ARHGAP9: variants seen among roughly 807,000 people sequenced by gnomAD.
ARHGAP9 encodes the protein rho GTPase-activating protein 9.
Under a neutral mutation model 87.3 loss-of-function variants are expected in ARHGAP9, and 76 were observed. The ratio of observed to expected loss-of-function variants is 0.87; its 90% confidence interval spans 0.72 to 1.05. The LOEUF (loss-of-function observed/expected upper bound fraction) is 1.05, where lower values mean the gene tolerates loss of function less well. Among genes scored for constraint, ARHGAP9 ranks in the 50% least tolerant of loss-of-function variants. ARHGAP9 has a pLI of 0.00. For missense variants in ARHGAP9, 941 were observed against 960.5 expected (o/e 0.98, Z 0.27); for synonymous variants, 382 against 394.9 (o/e 0.97, Z 0.39).
At chr12:57,478,780 T>C in intron 2 of ARHGAP9, 23 bp from the exon 3 acceptor site, 2 of 1,587,902 alleles carry the variant, frequency 1.3e-6, no homozygotes, top group Non-Finnish European at 1.7e-6. Flanking sequence ...AAGGGGAGGG[T>C]GGGTGGCAGG....
At chr12:57,477,933 C>T (rs34199912) in intron 3 of ARHGAP9, 2 of 1,288,214 alleles carry the variant, frequency 1.6e-6, no homozygotes, top group Non-Finnish European at 9.9e-7. Context: ...CCACCCCCAC[C>T]TCAGGGCCAC....
chr12:57,476,868 C>A lies in ARHGAP9; in HGVS notation c.963+3G>T, dbSNP rs768898174. Reference sequence around the variant, plus strand: ...GGCCTTCACAAAGAAATGGGAGATTCACATGGGGGTCGTCCAGGAGCTGCG... The same window carrying A: ...GGCCTTCACAAAGAAATGGGAGATTAACATGGGGGTCGTCCAGGAGCTGCG... On this transcript the variant is annotated splice_donor_region_variant and intron_variant, in intron 6 of 17. Coordinates refer to ENST00000393791, the MANE Select transcript of ARHGAP9 (RefSeq NM_032496.4). The A allele has an allele frequency of 1.2e-6, 2 of 1,613,198 alleles. No individual in the cohort carries two copies. The highest frequency in any genetic ancestry group is 1.7e-6 in the Non-Finnish European group (2 of 1,179,658).
intron 15 of ARHGAP9, 55 bp downstream of exon 15, chr12:57,474,368 A>G: frequency 6.2e-7 from 1 of 1,606,778 alleles, no homozygotes; most frequent in Non-Finnish European, 8.5e-7. Context: ...TTCCACGGGA[A>G]GCAAAGAGGA....
upstream of ARHGAP9, among the ~76,000 whole-genome samples, chr12:57,481,332 C>A (rs1016649064): frequency 2.6e-5 from 4 of 152,052 alleles, no homozygotes; most frequent in African/African-American, 9.7e-5. Context: ...CTCACTGCAA[C>A]CTCCGCTTTC....
Position 57,477,621 on chromosome 12 carries a change from G to A in ARHGAP9, c.594C>T (p.Arg198=), listed in dbSNP as rs762048855. The part of the protein sequence containing the change: ...PPVYCNLVDL[R]RCPRSPPPGP... ...CTGGGGGTGGGGACCGAGGACAGCG[G>A]CGAAGGTCCACCAGGTTACAGTACA... Residue 198 remains arginine, a synonymous_variant, in exon 4 of 18, where the codon CGC becomes CGT. Transcript: ENST00000393791. 1.2e-6 allele frequency: 2 copies of A among 1,613,116 alleles called. No individual in the cohort carries two copies. The highest frequency in any genetic ancestry group is 1.1e-5 in the South Asian group (1 of 91,032).
chr12:57,483,215 C>T (rs1386747713), upstream of ARHGAP9, among the ~76,000 whole-genome samples: 2 of 152,000 alleles, frequency 1.3e-5, no homozygotes, highest in Non-Finnish European at 2.9e-5. Flanking sequence ...GAAAGTATGC[C>T]CTATTTCCCA....
chr12:57,484,429 A>G (rs1428804467), upstream of ARHGAP9, among the ~76,000 whole-genome samples: 1 of 151,776 alleles, frequency 6.6e-6, no homozygotes, highest in African/African-American at 2.4e-5. Flanking sequence ...TGCCTCCTCT[A>G]TCATAACTTT....
At chr12:57,479,015 A>C (rs889544923) in intron 2 of ARHGAP9, 76 bp downstream of exon 2, 3 of 1,533,304 alleles carry the variant, frequency 2.0e-6, no homozygotes, top group Non-Finnish European at 2.7e-6. Flanking sequence ...ACCTCCCCAA[A>C]ATTCCCAGAA....
In ARHGAP9 at chr12:57,476,578, C is replaced by G. The variant is rs759561542; in HGVS notation, c.1025+12G>C. ...TGACAGCCCAGGCCCTAGCTGTATTCTGGGTTCTCACCTGAGCTTGCGCCC... is the reference window on the plus strand; with the variant it reads ...TGACAGCCCAGGCCCTAGCTGTATTGTGGGTTCTCACCTGAGCTTGCGCCC... On this transcript the variant is annotated intron_variant, in intron 7 of 17. Coordinates refer to ENST00000393791, the MANE Select transcript of ARHGAP9 (RefSeq NM_032496.4). 29 of 1,614,048 alleles carry G rather than the reference C, an allele frequency of 1.8e-5. No individual in the cohort carries two copies. In the African/African-American group the frequency reaches 3.3e-4, roughly 19 times the overall value.
intron 8 of ARHGAP9, 33 bp downstream of exon 8, chr12:57,476,331 C>T (rs1873652628): frequency 1.2e-6 from 2 of 1,606,304 alleles, no homozygotes; most frequent in Non-Finnish European, 1.7e-6. Flanking sequence ...AGGCAGCGCC[C>T]GCACCCATCC....
Position 57,488,500 on chromosome 12 carries a change from C to T in ARHGAP9, c.-204+112G>A. On this transcript the variant is annotated intron_variant, in intron 1 of 20. Coordinates refer to the ARHGAP9 transcript ENST00000393797. The stretch of plus-strand genomic sequence containing the variant: ...CCAACCTTCTCCTACACCTATCAGG[C>T]ATCCCCCTCTGCTCTTTAGTTACTA... 3 of 1,418,574 alleles carry T rather than the reference C, an allele frequency of 2.1e-6. No individual in the cohort carries two copies. The South Asian group carries it at 3.7e-5, about 18-fold the overall frequency. 87.9% of individuals were successfully genotyped at this position (1,418,574 alleles called of 1,614,324 possible).
rs753378420 is a variant in ARHGAP9, at chr12:57,477,733, A to G, written c.535-53T>C. ...GGTCATTCTGCCTGTTGCCCTTCCCATGCTTCTCTTGGCCTTCCCACCTCC... is the reference window on the plus strand; with the variant it reads ...GGTCATTCTGCCTGTTGCCCTTCCCGTGCTTCTCTTGGCCTTCCCACCTCC... On this transcript the variant is annotated intron_variant, in intron 3 of 17. Transcript: ENST00000393791. 7 of 1,595,862 alleles carry G rather than the reference A, an allele frequency of 4.4e-6. No homozygotes were observed. In the Admixed American group the frequency reaches 7.0e-5, roughly 16 times the overall value.
Position 57,472,427 on chromosome 12 carries a change from G to A in ARHGAP9, c.*90C>T, listed in dbSNP as rs891717710. 3 of 1,433,156 alleles carry A rather than the reference G, an allele frequency of 2.1e-6. No individual in the cohort carries two copies. The highest frequency in any genetic ancestry group is 2.8e-6 in the Non-Finnish European group (3 of 1,072,640). 88.8% of individuals were successfully genotyped at this position (1,433,156 alleles called of 1,614,324 possible). ...CATGAAGATAGAGACAGTCATTTGG[G>A]AGATTTAAAGGGATATCCTCAAAAC... is the stretch of plus-strand genomic sequence containing the variant. On this transcript the variant is annotated 3_prime_UTR_variant, in exon 18 of 18. Coordinates refer to ENST00000393791, the MANE Select transcript of ARHGAP9 (RefSeq NM_032496.4).
intron 6 of ARHGAP9, 89 bp downstream of exon 6, chr12:57,476,782 A>G: frequency 7.3e-7 from 1 of 1,378,662 alleles, no homozygotes; most frequent in South Asian, 1.2e-5. Context: ...GAGGATATTC[A>G]GAAAGAGGAA....
Position 57,474,551 on chromosome 12 carries a change from T to C in ARHGAP9, c.1729+75A>G, listed in dbSNP as rs1016864343. ...CTGACGGCCTCTCTATTCTGCCAGC[T>C]TCCTCATGTAGGACCGCCCATGGTT... is the stretch of plus-strand genomic sequence containing the variant. On this transcript the variant is annotated intron_variant, in intron 14 of 17. Transcript: ENST00000393791. 7 of 1,612,930 alleles carry C rather than the reference T, an allele frequency of 4.3e-6. No individual in the cohort carries two copies. The Admixed American group carries it at 5.0e-5, about 12-fold the overall frequency.
chr12:57,477,267 G>A lies in ARHGAP9; in HGVS notation c.759C>T (p.Asn253=). The change falls in exon 5 of 18, where the codon AAC becomes AAT. Residue 253 remains asparagine, a splice_region_variant and synonymous_variant. Coordinates refer to ENST00000393791, the MANE Select transcript of ARHGAP9 (RefSeq NM_032496.4). ...KPPRRSRSET[N]PGSMEGTQTL... Reference sequence around the variant, plus strand: ...TCTGTGTCCCCTCCATGGAGCCAGGGTTCTGGGTTAGGGGAGGAGGAAATA... The same window carrying A: ...TCTGTGTCCCCTCCATGGAGCCAGGATTCTGGGTTAGGGGAGGAGGAAATA... 1 of 1,563,544 alleles carries A rather than the reference G, an allele frequency of 6.4e-7. No homozygotes were observed. Among genetic ancestry groups the A allele is most frequent in the Non-Finnish European group, 8.7e-7 (1 of 1,154,972 alleles).
intron 10 of ARHGAP9, 45 bp from the exon 11 acceptor site, chr12:57,475,660 T>C: frequency 6.3e-7 from 1 of 1,592,728 alleles, no homozygotes; most frequent in Non-Finnish European, 8.6e-7. Flanking sequence ...AGGAGAGAAA[T>C]CTGTATCCCT....
In ARHGAP9 at chr12:57,476,605, C is replaced by A. The variant is rs139460885; in HGVS notation, c.1010G>T (p.Gly337Val). Residue 337 changes from glycine (G) to valine (V), a missense_variant, in exon 7 of 18, where the codon GGG becomes GTG. Physicochemically the swap from Gly to Val is moderately radical, Grantham distance 109. Coordinates refer to ENST00000393791, the MANE Select transcript of ARHGAP9 (RefSeq NM_032496.4). ...GLLNMTKIAQ[G>V]GRKLRKNWGP... is the part of the protein sequence containing the mutation. ...GGGTTCTCACCTGAGCTTGCGCCCC[C>A]CTTGGGCAATCTTGGTCATGTTGAG... is the stretch of plus-strand genomic sequence containing the variant. 3 of 1,614,178 alleles carry A rather than the reference C, an allele frequency of 1.9e-6. No individual in the cohort carries two copies. The highest frequency in any genetic ancestry group is 1.7e-6 in the Non-Finnish European group (2 of 1,180,042).
chr12:57,480,911 C>T, upstream of ARHGAP9: 1 of 1,391,988 alleles, frequency 7.2e-7, no homozygotes, highest in Non-Finnish European at 1.0e-6. Context: ...AGCTCTCTTC[C>T]CCTGAGGGCT....
Sources: allele counts gnomAD v4.1 joint callset (sites outside exome capture counted in the v4.1 genomes callset), GRCh38; gene constraint gnomAD v4.1.1; transcripts MANE v1.5; gene names NCBI Gene and HGNC (gene_info 2026-07-23, HGNC 2026-07-21).